ZSCAN20: variants seen among roughly 807,000 people sequenced by gnomAD.
ZSCAN20 encodes the protein zinc finger and SCAN domain containing 20, also known as zinc finger and SCAN domain-containing protein 20.
Under a neutral mutation model 97.1 loss-of-function variants are expected in ZSCAN20, and 39 were observed. The observed-to-expected ratio is 0.40, with a 90% CI of 0.31 to 0.52. ZSCAN20 has a LOEUF of 0.52. ZSCAN20 is among the 20% of genes least tolerant of loss of function. The pLI is 0.49. For synonymous variants in ZSCAN20, 456 were observed against 467.3 expected, an observed-to-expected ratio of 0.98 and a Z score of 0.31; for missense variants, 1,115 against 1,290.4, an observed-to-expected ratio of 0.86 and a Z score of 2.08.
chr1:33,474,328 T>C (rs1651840744), intron 1 of ZSCAN20, among the ~76,000 whole-genome samples: 2 of 152,240 alleles, frequency 1.3e-5, no homozygotes, highest in African/African-American at 2.4e-5. Flanking sequence ...GTCAGCCAAA[T>C]GGGCCTGACA....
At chr1:33,492,086 G>T (rs750649208) in intron 6 of ZSCAN20, 80 of 164,736 alleles carry the variant, frequency 4.9e-4, no homozygotes, top group Non-Finnish European at 9.5e-4. Context: ...ACAAAGTTAG[G>T]TAAAGAGTGA....
rs991941171 is a variant in ZSCAN20, at chr1:33,491,589, G to T, written c.1331G>T (p.Gly444Val). ...DAEMDEQEEGGWDPEEMAEDC... is the reference protein window; with the variant it reads ...DAEMDEQEEGVWDPEEMAEDC... The stretch of plus-strand genomic sequence containing the variant: ...GAGATGGATGAGCAGGAGGAAGGGG[G>T]CTGGGATCCTGAAGAAATGGCAGAA... The change falls in exon 6 of 8, where the codon GGC becomes GTC. Residue 444 changes from glycine to valine, a missense_variant. This residue lies in a region of ZSCAN20 where 508 missense variants were observed against 611.2 expected (regional missense o/e 0.83). Transcript: ENST00000684572. This position sits in a 1 kb window ranked among gnomAD's most constrained non-coding sequence, Gnocchi z 4.3. The T allele has an allele frequency of 3.7e-6, 6 of 1,614,144 alleles. No individual in the cohort carries two copies. In the South Asian group the frequency reaches 6.6e-5, roughly 18 times the overall value.
rs368516742 is a variant in ZSCAN20, at chr1:33,499,482, A to G, written c.*4006A>G. On this transcript the variant is annotated 3_prime_UTR_variant, in exon 8 of 8. Coordinates refer to ENST00000684572, the MANE Select transcript of ZSCAN20 (RefSeq NM_001377376.1). ...AGCTGTGCTTGGGTGACTCCTGGGC[A>G]TCTCAAAGCCCCGGTGTCTACCATC... is the stretch of plus-strand genomic sequence containing the variant. Among the ~76,000 whole-genome samples the G allele has an allele frequency of 8.5e-5, 13 of 152,198 alleles. No individual in the cohort carries two copies. The highest frequency in any genetic ancestry group is 5.8e-4 in the East Asian group (3 of 5,172).
At chr1:33,487,163 G>A (rs1652401208) in intron 2 of ZSCAN20, among the ~76,000 whole-genome samples, 1 of 152,162 alleles carries the variant, frequency 6.6e-6, no homozygotes, top group Non-Finnish European at 1.5e-5. Context: ...GAGGAGAGGG[G>A]AAAAGAACGG....
Position 33,497,499 on chromosome 1 carries a change from G to C in ZSCAN20, c.*2023G>C, listed in dbSNP as rs1247779957. Reference sequence around the variant, plus strand: ...TGTATGATGGGAGGTTGGGAACAGGGAGCTGATATTAGAGGAGTGCTGGAG... The same window carrying C: ...TGTATGATGGGAGGTTGGGAACAGGCAGCTGATATTAGAGGAGTGCTGGAG... On this transcript the variant is annotated 3_prime_UTR_variant, in exon 8 of 8. Transcript: ENST00000684572. Among the ~76,000 whole-genome samples the C allele has an allele frequency of 6.6e-6, 1 of 152,178 alleles. No homozygotes were observed. Among genetic ancestry groups the C allele is most frequent in the Non-Finnish European group, 1.5e-5 (1 of 68,038 alleles).
intron 2 of ZSCAN20, among the ~76,000 whole-genome samples, chr1:33,480,848 A>G (rs1322372641): frequency 6.6e-6 from 1 of 152,234 alleles, no homozygotes; most frequent in Non-Finnish European, 1.5e-5. Context: ...CAAAGCTGGT[A>G]TATGTAGAAC....
chr1:33,473,824 G>A (rs1366190294), intron 1 of ZSCAN20, among the ~76,000 whole-genome samples: 2 of 152,140 alleles, frequency 1.3e-5, no homozygotes, highest in East Asian at 3.8e-4. Context: ...ACATCTCCAG[G>A]ACAGGAACAG....
At chr1:33,483,334 G>A (rs957590859) in intron 2 of ZSCAN20, among the ~76,000 whole-genome samples, 4 of 150,492 alleles carry the variant, frequency 2.7e-5, no homozygotes, top group African/African-American at 9.8e-5. Context: ...ACCTTTGCTC[G>A]TTTATCAAAG....
At chr1:33,476,767 C>T (rs1651954556) in intron 1 of ZSCAN20, among the ~76,000 whole-genome samples, 1 of 152,136 alleles carries the variant, frequency 6.6e-6, no homozygotes, top group African/African-American at 2.4e-5. Flanking sequence ...AAAGAAATTT[C>T]ATGAAAGGCA....
At chr1:33,489,810 C>G (rs1297779614) in intron 5 of ZSCAN20, among the ~76,000 whole-genome samples, 1 of 152,164 alleles carries the variant, frequency 6.6e-6, no homozygotes, top group African/African-American at 2.4e-5. Context: ...CTTCCAAGAG[C>G]CTGCCCTCTC....
intron 4 of ZSCAN20, 95 bp from the exon 5 acceptor site, chr1:33,489,423 C>A: frequency 1.6e-6 from 2 of 1,259,118 alleles, no homozygotes; most frequent in Non-Finnish European, 1.1e-6. Flanking sequence ...TGGTATCCCT[C>A]TGTTCCCATC....
chr1:33,480,752 C>T (rs1008195878), intron 2 of ZSCAN20, among the ~76,000 whole-genome samples: 12 of 152,184 alleles, frequency 7.9e-5, no homozygotes, highest in African/African-American at 1.4e-4. Context: ...ATTTAACATT[C>T]GCAGTTTCAA....
rs1652971916 is a variant in ZSCAN20, at chr1:33,499,041, G to T, written c.*3565G>T. ...CCAGAAGCCGAGTAAAGCAGCTAGGGTCCCTCCATGCTAAATAATGTAGTC... is the reference window on the plus strand; with the variant it reads ...CCAGAAGCCGAGTAAAGCAGCTAGGTTCCCTCCATGCTAAATAATGTAGTC... On this transcript the variant is annotated 3_prime_UTR_variant, in exon 8 of 8. Transcript: ENST00000684572. Among the ~76,000 whole-genome samples, 1 of 152,202 alleles carries T rather than the reference G, an allele frequency of 6.6e-6. No individual in the cohort carries two copies. Among genetic ancestry groups the T allele is most frequent in the Admixed American group, 6.5e-5 (1 of 15,290 alleles).
Position 33,491,567 on chromosome 1 carries a change from A to T in ZSCAN20, c.1309A>T (p.Met437Leu), listed in dbSNP as rs1652616436. The T allele has an allele frequency of 1.2e-6, 2 of 1,614,112 alleles. No individual in the cohort carries two copies. The highest frequency in any genetic ancestry group is 1.7e-6 in the Non-Finnish European group (2 of 1,179,990). Residue 437 changes from methionine to leucine, a missense_variant, in exon 6 of 8, where the codon ATG becomes TTG. Around this residue, in one of 3 missense-constraint regions of ZSCAN20, gnomAD observed 508 missense variants for 611.2 expected, o/e 0.83. Coordinates refer to ENST00000684572, the MANE Select transcript of ZSCAN20 (RefSeq NM_001377376.1). The surrounding 1 kb of genome is among the most constrained non-coding windows in gnomAD (Gnocchi z 4.3). ...LPRLGYSDAE[M>L]DEQEEGGWDP... ...CAGGCTCGGGTATAGTGACGCAGAG[A>T]TGGATGAGCAGGAGGAAGGGGGCTG...
chr1:33,491,049 A>G lies in ZSCAN20; in HGVS notation c.791A>G (p.Asn264Ser), dbSNP rs1466257692. Residue 264 changes from asparagine (N) to serine (S), a missense_variant, in exon 6 of 8, where the codon AAT becomes AGT. This residue lies in a region of ZSCAN20 where 508 missense variants were observed against 611.2 expected (regional missense o/e 0.83). Transcript: ENST00000684572. This position sits in a 1 kb window ranked among gnomAD's most constrained non-coding sequence, Gnocchi z 4.3. ...CLGVPVSKPS[N>S]TSEKEQGPEF... is the part of the protein sequence containing the mutation. ...GGAGTTCCAGTTTCAAAACCAAGTA[A>G]TACCTCCGAGAAAGAGCAAGGACCA... The G allele has an allele frequency of 1.2e-6, 2 of 1,604,456 alleles. No individual in the cohort carries two copies. Among genetic ancestry groups the G allele is most frequent in the Non-Finnish European group, 1.7e-6 (2 of 1,176,858 alleles).
At position 33,494,991 on chromosome 1, in the gene ZSCAN20, A is replaced by G; in HGVS notation, c.2647A>G (p.Ser883Gly). The change falls in exon 8 of 8, where the codon AGC becomes GGC. Residue 883 changes from serine (S) to glycine (G), a missense_variant. Ser to Gly is a moderately conservative substitution (Grantham distance 56). This residue lies in a region of ZSCAN20 where 554 missense variants were observed against 584.9 expected (regional missense o/e 0.95). Coordinates refer to ENST00000684572, the MANE Select transcript of ZSCAN20 (RefSeq NM_001377376.1). ...TTATGAGTGTTCTGAATGTGGAAGA[A>G]GCTTCTCTAAGAGCTCTGCCCTCAT... ...KLYECSECGR[S>G]FSKSSALISH... 6.2e-7 allele frequency: 1 copy of G among 1,614,124 alleles called. No homozygotes were observed. The highest frequency in any genetic ancestry group is 8.5e-7 in the Non-Finnish European group (1 of 1,180,006).
At position 33,494,554 on chromosome 1, in the gene ZSCAN20, C is replaced by T. The variant is rs1283615929; in HGVS notation, c.2210C>T (p.Pro737Leu). The T allele has an allele frequency of 1.2e-6, 2 of 1,613,998 alleles. No homozygotes were observed. The highest frequency in any genetic ancestry group is 1.7e-6 in the Non-Finnish European group (2 of 1,179,878). The change falls in exon 8 of 8, where the codon CCC becomes CTC. Residue 737 changes from proline to leucine, a missense_variant. Physicochemically the swap from Pro to Leu is moderately conservative, Grantham distance 98 (BLOSUM62 -3). Transcript: ENST00000684572. ...AHQRIHTGEK[P>L]YKCLECGKNF... ...CAGCGAATCCACACAGGTGAGAAGC[C>T]CTACAAATGCCTTGAATGTGGAAAA...
At chr1:33,478,917 A>C (rs1037942176) in intron 1 of ZSCAN20, among the ~76,000 whole-genome samples, 2 of 152,144 alleles carry the variant, frequency 1.3e-5, no homozygotes, top group African/African-American at 4.8e-5. Context: ...ATATTAATTG[A>C]CATTTTGTGA....
chr1:33,479,135 T>C, intron 1 of ZSCAN20, 44 bp from the exon 2 acceptor site: 1 of 761,304 alleles, frequency 1.3e-6, no homozygotes, highest in Non-Finnish European at 2.1e-6. Flanking sequence ...ATGAAGCTTC[T>C]GCATCCTTTT....
Sources: gnomAD v4.1 joint callset for allele counts (sites outside exome capture counted in the v4.1 genomes callset) on GRCh38, gnomAD v4.1.1 for gene constraint, gnomAD v4.1.1 regional missense constraint, Gnocchi (gnomAD v3.1) non-coding constraint, MANE v1.5 for transcripts, NCBI Gene and HGNC (gene_info 2026-07-23, HGNC 2026-07-21) for gene names.